Variants in SYT8 observed in about 807,000 individuals in gnomAD.
The protein encoded by SYT8 is synaptotagmin 8, also known as synaptotagmin-8.
In SYT8, 50 loss-of-function variants were observed where a neutral mutation model predicts 34.9. The observed-to-expected ratio is 1.43, with a 90% CI of 1.14 to 1.81. SYT8 has a LOEUF of 1.81. Among genes scored for constraint, SYT8 ranks in the 40% most tolerant of loss-of-function variants. SYT8 has a pLI of 0.00. For synonymous variants in SYT8, 255 were observed against 234.2 expected (o/e 1.09, Z -0.81); for missense variants, 595 against 529.0 (o/e 1.12, Z -1.22).
chr11:1,833,955 T>G (rs1846768362), upstream of SYT8: 3 of 154,052 alleles, frequency 1.9e-5, no homozygotes. Context: ...CCTCAACAGC[T>G]GCTTATTCCC....
At chr11:1,831,996 G>C (rs1336439259), upstream of SYT8, 3 of 354,402 alleles carry the variant, frequency 8.5e-6, no homozygotes, top group African/African-American at 6.4e-5. Context: ...CACGGAAGCA[G>C]AAACCATTCC....
rs1490382566 is a variant in SYT8, at chr11:1,836,487, C to T, written c.579C>T (p.Phe193=). ...TGCAGCTTTTCAACTTCAAGCGCTT[C>T]TCGGGGCATGAGCCCCTGGGTGAGC... ...LQVQLFNFKR[F]SGHEPLGELR... Residue 193 remains phenylalanine, a synonymous_variant, in exon 5 of 8, where the codon TTC becomes TTT. Coordinates refer to ENST00000341958, the MANE Select transcript of SYT8 (RefSeq NM_001394072.1). The T allele has an allele frequency of 8.1e-6, 13 of 1,611,904 alleles. No homozygotes were observed. The highest frequency in any genetic ancestry group is 1.3e-5 in the African/African-American group (1 of 74,932).
At chr11:1,834,261 G>T, upstream of SYT8, 1 of 500,194 alleles carries the variant, frequency 2.0e-6, no homozygotes. This position sits in a 1 kb window ranked among gnomAD's most constrained non-coding sequence, Gnocchi z 4.5. Flanking sequence ...GGGTACAGGG[G>T]CCAGCAGCTG....
upstream of SYT8, among the ~76,000 whole-genome samples, chr11:1,832,385 C>T (rs1188285920): frequency 6.6e-6 from 1 of 152,196 alleles, no homozygotes; most frequent in East Asian, 1.9e-4. Flanking sequence ...GACCGTCTCC[C>T]TTTCCTGGGA....
chr11:1,836,387 G>A, intron 4 of SYT8, 38 bp from the exon 5 acceptor site: 1 of 1,512,024 alleles, frequency 6.6e-7, no homozygotes, highest in South Asian at 1.3e-5. Context: ...GTGGGCCTGA[G>A]CTAGGGCAGC....
upstream of SYT8, among the ~76,000 whole-genome samples, chr11:1,832,393 G>C (rs1846699005): frequency 6.6e-6 from 1 of 152,200 alleles, no homozygotes; most frequent in Non-Finnish European, 1.5e-5. Context: ...CCCTTTCCTG[G>C]GAAAACATGG....
upstream of SYT8, chr11:1,834,174 G>A (rs117890986): frequency 5.4e-3 from 1,690 of 312,210 alleles, 11 homozygotes; most frequent in Non-Finnish European, 6.4e-3. The surrounding 1 kb of genome is among the most constrained non-coding windows in gnomAD (Gnocchi z 4.5). Context: ...GCCCCATGTA[G>A]CACCCTGGTT....
Position 1,837,245 on chromosome 11 carries a change from G to A in SYT8, c.978G>A (p.Glu326=). The A allele has an allele frequency of 6.3e-7, 1 of 1,582,014 alleles. No homozygotes were observed. Among genetic ancestry groups the A allele is most frequent in the Non-Finnish European group, 8.6e-7 (1 of 1,166,972 alleles). The part of the protein sequence containing the change: ...VWDRSLPLRT[E]PVGKVHLGAR... Reference sequence around the variant, plus strand: ...ACCGCAGCCTGCCGCTCCGAACTGAGCCCGTAGGCAAGGTGCACCTGGGTG... The same window carrying A: ...ACCGCAGCCTGCCGCTCCGAACTGAACCCGTAGGCAAGGTGCACCTGGGTG... The change falls in exon 8 of 8, where the codon GAG becomes GAA. Residue 326 remains glutamate, a synonymous_variant. Transcript: ENST00000341958.
Position 1,835,426 on chromosome 11 carries a change from G to A in SYT8, c.225G>A (p.Leu75=), listed in dbSNP as rs894091649. The A allele has an allele frequency of 9.9e-6, 16 of 1,609,668 alleles. No individual in the cohort carries two copies. The highest frequency in any genetic ancestry group is 1.4e-5 in the Non-Finnish European group (16 of 1,179,620). ...CCAGGGACAAGGAGTCCGTGGGTCT[G>A]GGCAGTGCCCGCGGCACCACCACCA... is the stretch of plus-strand genomic sequence containing the variant. The part of the protein sequence containing the change: ...KKPRDKESVG[L]GSARGTTTTH... The change falls in exon 2 of 8, where the codon CTG becomes CTA. Residue 75 remains leucine (L), a synonymous_variant. Coordinates refer to ENST00000341958, the MANE Select transcript of SYT8 (RefSeq NM_001394072.1).
At chr11:1,831,838 T>G, upstream of SYT8, 1 of 449,808 alleles carries the variant, frequency 2.2e-6, no homozygotes, top group South Asian at 1.6e-5. Context: ...GGACCCGCCT[T>G]CGGGTGTCTG....
upstream of SYT8, chr11:1,834,911 C>T (rs1846815135): frequency 1.6e-6 from 1 of 639,618 alleles, no homozygotes; most frequent in South Asian, 1.9e-5. The surrounding 1 kb of genome is among the most constrained non-coding windows in gnomAD (Gnocchi z 4.5). Flanking sequence ...TGGCCAGGGT[C>T]CAGAGCCTCC....
chr11:1,837,129 G>T, intron 7 of SYT8, 39 bp downstream of exon 7: 1 of 1,607,810 alleles, frequency 6.2e-7, no homozygotes, highest in Non-Finnish European at 8.5e-7. Context: ...GAGACCCAGT[G>T]CCAGACCACG....
chr11:1,835,332 C>T lies in SYT8; in HGVS notation c.131C>T (p.Ala44Val), dbSNP rs763636252. ...GCTCTCATTGCCGGCGCCCTTGCCG[C>T]GGGCGTCCTCCTCGTCTCCTGCCTC... ...RWALIAGALA[A>V]GVLLVSCLLC... The change falls in exon 2 of 8, where the codon GCG (alanine) becomes GTG (valine). Residue 44 changes from alanine to valine, a missense_variant. By Grantham distance (64) the Ala-to-Val change is moderately conservative. Coordinates refer to ENST00000341958, the MANE Select transcript of SYT8 (RefSeq NM_001394072.1). The T allele has an allele frequency of 3.2e-5, 51 of 1,602,340 alleles. 2 individuals are homozygous for T. Among genetic ancestry groups the T allele is most frequent in the Middle Eastern group, 1.7e-4 (1 of 6,042 alleles).
chr11:1,837,354 CGGCCAGCCAGGGAGGT>C lies in SYT8; in HGVS notation c.1090_1105del (p.Pro364ThrfsTer?). On this transcript the variant is annotated frameshift_variant, in exon 8 of 8. Coordinates refer to ENST00000341958, the MANE Select transcript of SYT8 (RefSeq NM_001394072.1). LOFTEE classifies it low-confidence loss of function (END_TRUNC). ...GCCCATTGCCCAGCGGCACCCCCTG[CGGCCAGCCAGGGAGGT>C]GGACCGCATGCTGGCCCTGCAGCCC... 6.3e-7 allele frequency: 1 copy of C among 1,594,662 alleles called. No individual in the cohort carries two copies. The highest frequency in any genetic ancestry group is 8.5e-7 in the Non-Finnish European group (1 of 1,175,150).
upstream of SYT8, chr11:1,834,714 C>T (rs1222134955): frequency 1.7e-6 from 2 of 1,165,528 alleles, no homozygotes; most frequent in Non-Finnish European, 2.5e-6. The surrounding 1 kb of genome is among the most constrained non-coding windows in gnomAD (Gnocchi z 4.5). Flanking sequence ...GGGTCCAGGG[C>T]CCAGGAGAGA....
intron 1 of SYT8, 40 bp from the exon 2 acceptor site, chr11:1,835,256 C>T: frequency 6.2e-7 from 1 of 1,604,712 alleles, no homozygotes; most frequent in Non-Finnish European, 8.5e-7. Context: ...GTGGGGGCTG[C>T]AGCTGTCCAC....
upstream of SYT8, among the ~76,000 whole-genome samples, chr11:1,832,794 G>A (rs757882157): frequency 6.6e-6 from 1 of 152,188 alleles, no homozygotes; most frequent in African/African-American, 2.4e-5. Flanking sequence ...TGGGGACAAG[G>A]TCACCAGGCT....
At chr11:1,832,772 C>T (rs962467827), upstream of SYT8, among the ~76,000 whole-genome samples, 2 of 152,190 alleles carry the variant, frequency 1.3e-5, no homozygotes, top group African/African-American at 2.4e-5. Flanking sequence ...CTGGGTGGCC[C>T]CTGTGCTCCT....
chr11:1,836,335 G>C (rs1446357520), intron 4 of SYT8, 51 bp downstream of exon 4: 4 of 1,500,956 alleles, frequency 2.7e-6, no homozygotes, highest in Non-Finnish European at 2.7e-6. Flanking sequence ...GATGGGCCTG[G>C]GCTGGGTGGG....
Sources: allele counts gnomAD v4.1 joint callset (sites outside exome capture counted in the v4.1 genomes callset), GRCh38; gene constraint gnomAD v4.1.1; non-coding constraint Gnocchi (gnomAD v3.1); transcripts MANE v1.5; gene names NCBI Gene and HGNC (gene_info 2026-07-23, HGNC 2026-07-21).